FGD4: variants seen among roughly 807,000 people sequenced by gnomAD.
FGD4 encodes the protein FYVE, RhoGEF and PH domain containing 4, also known as FYVE, RhoGEF and PH domain-containing protein 4.
FGD4 carries 42 observed loss-of-function variants against 102.0 expected under a neutral mutation model. That is an observed-to-expected ratio of 0.41 (90% CI 0.32 to 0.53). FGD4 has a LOEUF of 0.53. Ranked by LOEUF, FGD4 falls within the 20% of genes least tolerant of loss-of-function variation. FGD4 has a pLI of 0.21. For missense variants in FGD4, 902 were observed against 1,078.2 expected (o/e 0.84, Z 2.29); for synonymous variants, 380 against 375.7 (o/e 1.01, Z -0.13).
At chr12:32,463,376 G>T (rs568646521) in intron 1 of FGD4, among the ~76,000 whole-genome samples, 1 of 152,272 alleles carries the variant, frequency 6.6e-6, no homozygotes, top group South Asian at 2.1e-4. Context: ...AGAATGTCAA[G>T]AGTCACCTTT....
intron 1 of FGD4, among the ~76,000 whole-genome samples, chr12:32,462,624 C>A (rs1321260671): frequency 6.6e-6 from 1 of 151,976 alleles, no homozygotes; most frequent in African/African-American, 2.4e-5. Context: ...AAACCTCATG[C>A]CTTAGAGAAA....
Position 32,582,151 on chromosome 12 carries a change from C to T in FGD4, c.695C>T (p.Ala232Val). 6.2e-7 allele frequency: 1 copy of T among 1,614,162 alleles called. No individual in the cohort carries two copies. Among genetic ancestry groups the T allele is most frequent in the Non-Finnish European group, 8.5e-7 (1 of 1,180,026 alleles). ...AQTCVANGVM[A>V]AQNQMECEEE... ...ACTTGTGTGGCCAACGGTGTAATGG[C>T]AGCACAAAACCAGATGGAATGTGAG... The change falls in exon 4 of 17, where the codon GCA (alanine) becomes GTA (valine). Residue 232 changes from alanine (A) to valine (V), a missense_variant. By Grantham distance (64) the Ala-to-Val change is moderately conservative. Coordinates refer to ENST00000534526, the MANE Select transcript of FGD4 (RefSeq NM_001370298.3).
At chr12:32,415,799 A>G (rs568074737) in intron 1 of FGD4, among the ~76,000 whole-genome samples, 2 of 152,338 alleles carry the variant, frequency 1.3e-5, no homozygotes, top group South Asian at 4.1e-4. Flanking sequence ...TTATCATTAT[A>G]TAGTGACGTT....
chr12:32,504,321 T>TA (rs1477505328), intron 1 of FGD4, among the ~76,000 whole-genome samples: 3 of 152,132 alleles, frequency 2.0e-5, no homozygotes, highest in Non-Finnish European at 4.4e-5. Context: ...TGATCCCAAC[T>TA]AGGGTACCTA....
rs146895377 is a variant in FGD4 at position 32,635,551 on chromosome 12, G to A, written c.2313+1862G>A. 2.6e-5 allele frequency among the ~76,000 whole-genome samples: 4 copies of A among 152,076 alleles called. No individual in the cohort carries two copies. In the East Asian group the frequency reaches 7.7e-4, roughly 29 times the overall value. On this transcript the variant is annotated intron_variant, in intron 15 of 16. Transcript: ENST00000534526. ...ACCAACTAGTATGTTATATGCCCTAGAACAGTGATCAACACACTTTCCTGT... is the reference window on the plus strand; with the variant it reads ...ACCAACTAGTATGTTATATGCCCTAAAACAGTGATCAACACACTTTCCTGT...
chr12:32,563,538 C>A (rs1435774807), intron 1 of FGD4, among the ~76,000 whole-genome samples: 1 of 151,276 alleles, frequency 6.6e-6, no homozygotes, highest in African/African-American at 2.4e-5. Context: ...GGCAGAGGGG[C>A]TCCTCACGTC....
chr12:32,511,247 G>A (rs1271549645), intron 1 of FGD4: 1 of 152,196 alleles, frequency 6.6e-6, no homozygotes, highest in African/African-American at 2.4e-5. Context: ...AAGCAACCAT[G>A]GTAAATCTGC....
chr12:32,624,395 A>G, intron 11 of FGD4, 27 bp from the exon 12 acceptor site: 1 of 1,534,578 alleles, frequency 6.5e-7, no homozygotes, highest in Non-Finnish European at 9.0e-7. Context: ...TATTATTTAC[A>G]TTCACTTTAA....
intron 14 of FGD4, among the ~76,000 whole-genome samples, chr12:32,626,492 A>G (rs573894237): frequency 2.4e-4 from 37 of 152,042 alleles, no homozygotes; most frequent in Middle Eastern, 3.4e-3. Context: ...CTAATAATCA[A>G]TAGAGACAGG....
chr12:32,453,233 ATATATTTTT>A (rs1565749232), intron 1 of FGD4, among the ~76,000 whole-genome samples: 1,251 of 61,998 alleles, frequency 0.02, 33 homozygotes, highest in Middle Eastern at 0.038. Context: ...ATAGATATAT[ATATATTTTT>A]TTTTTTTTAA....
intron 2 of FGD4, 111 bp downstream of exon 2, chr12:32,564,400 G>A: frequency 1.6e-6 from 2 of 1,275,012 alleles, no homozygotes; most frequent in Admixed American, 2.8e-5. Flanking sequence ...GGAAGGAATT[G>A]GGTACATTAT....
At position 32,454,007 on chromosome 12, in the gene FGD4, C is replaced by T. The variant is rs1216976745; in HGVS notation, c.166+54048C>T. Among the ~76,000 whole-genome samples, 3 of 151,718 alleles carry T rather than the reference C, an allele frequency of 2.0e-5. No homozygotes were observed. The South Asian group carries it at 6.2e-4, about 31-fold the overall frequency. On this transcript the variant is annotated intron_variant, in intron 1 of 16. Transcript: ENST00000534526. Reference sequence around the variant, plus strand: ...TGCCACCAGGGAAAGATTGTGGACTCGATTTCTGTGAGTGTTTAGCTGTTA... The same window carrying T: ...TGCCACCAGGGAAAGATTGTGGACTTGATTTCTGTGAGTGTTTAGCTGTTA...
chr12:32,531,907 C>T (rs147108859), intron 1 of FGD4, among the ~76,000 whole-genome samples: 31 of 152,228 alleles, frequency 2.0e-4, no homozygotes, highest in African/African-American at 7.0e-4. Flanking sequence ...ACAGATTGTC[C>T]ACTTGTGGGC....
intron 1 of FGD4, among the ~76,000 whole-genome samples, chr12:32,479,786 CTTTTTTTTTTT>C (rs559968024): frequency 1.1e-3 from 118 of 106,596 alleles, no homozygotes; most frequent in African/African-American, 3.8e-3. Context: ...AAGCATTATT[CTTTTTTTTTTT>C]TTTTTTTTTG....
At chr12:32,469,164 G>A (rs1348651566) in intron 1 of FGD4, among the ~76,000 whole-genome samples, 1 of 151,872 alleles carries the variant, frequency 6.6e-6, no homozygotes, top group Non-Finnish European at 1.5e-5. Context: ...AAATACATAC[G>A]CAAACAGTAT....
chr12:32,424,338 T>C (rs1941755297), intron 1 of FGD4, among the ~76,000 whole-genome samples: 1 of 152,050 alleles, frequency 6.6e-6, no homozygotes, highest in South Asian at 2.1e-4. Flanking sequence ...TCCGTTCCTG[T>C]GTTAGTTTGC....
chr12:32,503,957 C>CA (rs35854709), intron 1 of FGD4, among the ~76,000 whole-genome samples: 75,343 of 151,932 alleles, frequency 0.5, 19,850 homozygotes, highest in Middle Eastern at 0.69. Context: ...TTACCCAGAG[C>CA]ATTGGGGTAG....
chr12:32,528,751 C>A (rs1941508124), intron 1 of FGD4, among the ~76,000 whole-genome samples: 1 of 152,248 alleles, frequency 6.6e-6, no homozygotes, highest in South Asian at 2.1e-4. Flanking sequence ...AACATAAACA[C>A]TATGTAGTTA....
At chr12:32,576,656 A>G (rs997411831) in intron 3 of FGD4, among the ~76,000 whole-genome samples, 2 of 152,224 alleles carry the variant, frequency 1.3e-5, no homozygotes, top group Non-Finnish European at 2.9e-5. Flanking sequence ...AGCTAGGTAC[A>G]GTACTGTAGG....
Sources: gnomAD v4.1 joint callset for allele counts (sites outside exome capture counted in the v4.1 genomes callset) on GRCh38, gnomAD v4.1.1 for gene constraint, MANE v1.5 for transcripts, NCBI Gene and HGNC (gene_info 2026-07-23, HGNC 2026-07-21) for gene names.